The following SLC25A13 variants were observed in gnomAD, a reference collection of about 807,000 sequenced individuals.
The protein encoded by SLC25A13 is solute carrier family 25 member 13.
A neutral mutation model predicts 85.5 loss-of-function variants in SLC25A13; 70 were observed. The ratio of observed to expected loss-of-function variants is 0.82; its 90% confidence interval spans 0.68 to 1.00. SLC25A13 has a LOEUF of 1.00. Ranked by LOEUF, SLC25A13 falls within the 50% of genes least tolerant of loss-of-function variation. The probability of loss-of-function intolerance (pLI) is 0.00; values close to 1 mark genes in which losing one functional copy is unlikely to be tolerated. For synonymous variants in SLC25A13, 259 were observed against 288.7 expected (o/e 0.90, Z 1.04); for missense variants, 765 against 819.8 (o/e 0.93, Z 0.82).
chr7:96,269,110 G>C (rs771811196), intron 3 of SLC25A13, among the ~76,000 whole-genome samples: 1 of 152,158 alleles, frequency 6.6e-6, no homozygotes, highest in Non-Finnish European at 1.5e-5. Context: ...AACAAGCACT[G>C]TGTTTTTTTT....
intron 2 of SLC25A13, chr7:96,283,669 C>A: frequency 3.4e-6 from 1 of 293,464 alleles, no homozygotes; most frequent in South Asian, 3.5e-5. Flanking sequence ...GAGATAGCTT[C>A]CTGAAATGCA....
intron 13 of SLC25A13, among the ~76,000 whole-genome samples, chr7:96,153,436 C>T (rs181768203): frequency 1.2e-3 from 185 of 152,344 alleles, no homozygotes; most frequent in Non-Finnish European, 1.9e-3. Context: ...AGTTCATAGG[C>T]TCACACATTC....
chr7:96,147,106 G>A (rs201498206), intron 13 of SLC25A13, among the ~76,000 whole-genome samples: 1 of 72,634 alleles, frequency 1.4e-5, no homozygotes, highest in Non-Finnish European at 2.7e-5. Context: ...GACACAGAAC[G>A]TATCCAAATG....
chr7:96,197,446 C>T (rs922736235), intron 5 of SLC25A13, among the ~76,000 whole-genome samples: 49 of 152,064 alleles, frequency 3.2e-4, no homozygotes, highest in African/African-American at 1.2e-3. Flanking sequence ...TTCCCATAGC[C>T]CCAAGAGACA....
At chr7:96,278,471 T>C (rs1798543120) in intron 2 of SLC25A13, among the ~76,000 whole-genome samples, 1 of 152,222 alleles carries the variant, frequency 6.6e-6, no homozygotes, top group African/African-American at 2.4e-5. Context: ...TACTCAGTAG[T>C]AATATGCTTT....
chr7:96,140,059 C>T (rs1463597851), intron 14 of SLC25A13, among the ~76,000 whole-genome samples: 1 of 145,384 alleles, frequency 6.9e-6, no homozygotes. Context: ...CCCGGGTTCA[C>T]GCCATTCTCC....
At chr7:96,165,679 A>AT (rs1334763167) in intron 13 of SLC25A13, among the ~76,000 whole-genome samples, 3 of 152,238 alleles carry the variant, frequency 2.0e-5, no homozygotes, top group African/African-American at 7.2e-5. Flanking sequence ...TTCACAGGTA[A>AT]TAAAAAGTAG....
At chr7:96,218,776 C>T (rs1795992248) in intron 4 of SLC25A13, among the ~76,000 whole-genome samples, 1 of 152,092 alleles carries the variant, frequency 6.6e-6, no homozygotes, top group Non-Finnish European at 1.5e-5. Context: ...ATAAAAGTAA[C>T]CCCTCTTGGA....
chr7:96,201,108 A>G (rs1795239623), intron 5 of SLC25A13, among the ~76,000 whole-genome samples: 1 of 152,202 alleles, frequency 6.6e-6, no homozygotes, highest in African/African-American at 2.4e-5. Flanking sequence ...TGTTTATGAA[A>G]CAATACCAAA....
intron 4 of SLC25A13, among the ~76,000 whole-genome samples, chr7:96,226,660 A>T (rs2116783106): frequency 6.6e-6 from 1 of 152,196 alleles, no homozygotes; most frequent in East Asian, 1.9e-4. Context: ...AAATAACACC[A>T]TAAAAAAGAA....
intron 3 of SLC25A13, among the ~76,000 whole-genome samples, chr7:96,241,621 C>A (rs1461812307): frequency 6.6e-6 from 1 of 152,148 alleles, no homozygotes; most frequent in Admixed American, 6.5e-5. Flanking sequence ...TGGATATCAT[C>A]TCTAGGTGGT....
At chr7:96,133,979 CAT>C (rs1383554474) in intron 14 of SLC25A13, among the ~76,000 whole-genome samples, 1 of 150,114 alleles carries the variant, frequency 6.7e-6, no homozygotes, top group African/African-American at 2.4e-5. Flanking sequence ...CTTGGAAAAA[CAT>C]ATCAGAAACT....
intron 9 of SLC25A13, among the ~76,000 whole-genome samples, chr7:96,188,529 A>G (rs1306865099): frequency 6.6e-6 from 1 of 152,200 alleles, no homozygotes; most frequent in Non-Finnish European, 1.5e-5. Flanking sequence ...TCTGCCTAAA[A>G]GGAGAAATTT....
intron 1 of SLC25A13, among the ~76,000 whole-genome samples, chr7:96,318,942 T>A (rs1380142072): frequency 6.6e-6 from 1 of 152,142 alleles, no homozygotes; most frequent in East Asian, 1.9e-4. Flanking sequence ...ATGCCAACCC[T>A]ACCCCTATGG....
chr7:96,273,560 C>T (rs1416719901), intron 3 of SLC25A13, among the ~76,000 whole-genome samples: 2 of 152,138 alleles, frequency 1.3e-5, no homozygotes, highest in African/African-American at 4.8e-5. Context: ...GTACAATTTA[C>T]ACTTAAGTGT....
At chr7:96,306,736 T>C (rs1799759118) in intron 1 of SLC25A13, 1 of 1,064,544 alleles carries the variant, frequency 9.4e-7, no homozygotes. Flanking sequence ...TTCTCTTTTG[T>C]GCCCTTCATC....
At chr7:96,214,327 T>C (rs965160568) in intron 4 of SLC25A13, among the ~76,000 whole-genome samples, 62 of 152,178 alleles carry the variant, frequency 4.1e-4, no homozygotes, top group African/African-American at 1.4e-3. Flanking sequence ...TAAAAAATTA[T>C]TAGAACTAAT....
intron 1 of SLC25A13, among the ~76,000 whole-genome samples, chr7:96,298,146 T>A (rs1489648100): frequency 3.3e-5 from 5 of 152,228 alleles, no homozygotes; most frequent in African/African-American, 4.8e-5. Context: ...TGGACCCATG[T>A]TGCTATCCAC....
At chr7:96,124,315 T>C (rs1791636568) in intron 15 of SLC25A13, among the ~76,000 whole-genome samples, 1 of 152,224 alleles carries the variant, frequency 6.6e-6, no homozygotes, top group Non-Finnish European at 1.5e-5. Flanking sequence ...ATCAAGGCTG[T>C]TTTCCAAATC....
Sources: gnomAD v4.1 joint callset for allele counts (sites outside exome capture counted in the v4.1 genomes callset) on GRCh38, gnomAD v4.1.1 for gene constraint, MANE v1.5 for transcripts, NCBI Gene and HGNC (gene_info 2026-07-23, HGNC 2026-07-21) for gene names.